The following AAK1 variants were observed in gnomAD, a reference collection of about 807,000 sequenced individuals.
AAK1 encodes the protein AP2 associated kinase 1.
In AAK1, 37 loss-of-function variants were observed where a neutral mutation model predicts 116.0. That is an observed-to-expected ratio of 0.32 (90% CI 0.25 to 0.42). The LOEUF is 0.42. Ranked by LOEUF, AAK1 falls within the 10% of genes least tolerant of loss-of-function variation. AAK1 has a pLI of 1.00. For missense variants in AAK1, 919 were observed against 1,170.6 expected (o/e 0.79, Z 3.14); for synonymous variants, 458 against 439.9 (o/e 1.04, Z -0.51).
At chr2:69,544,321 G>T in intron 4 of AAK1, 115 bp downstream of exon 4, 2 of 756,100 alleles carry the variant, frequency 2.6e-6, no homozygotes, top group South Asian at 3.5e-5. Flanking sequence ...TTTCTCATCT[G>T]TCAAACCAGA....
intron 17 of AAK1, among the ~76,000 whole-genome samples, chr2:69,493,222 A>T (rs1178882368): frequency 6.6e-6 from 1 of 151,170 alleles, no homozygotes; most frequent in East Asian, 2.0e-4. Flanking sequence ...TGAATGTGCT[A>T]GAGGCTGAAT....
intron 10 of AAK1, among the ~76,000 whole-genome samples, chr2:69,524,359 G>A (rs1045829858): frequency 3.9e-5 from 6 of 152,172 alleles, no homozygotes; most frequent in Non-Finnish European, 7.4e-5. Flanking sequence ...CCACAGGCAC[G>A]TGCTACCATG....
At position 69,544,559 on chromosome 2, in the gene AAK1, G is replaced by A. The variant is rs377552221; in HGVS notation, c.283-15C>T. On this transcript the variant is annotated splice_polypyrimidine_tract_variant and intron_variant, in intron 3 of 21. Transcript: ENST00000409085. ...GAAAGATCCCTCTGTGAACAAGAGAGGAGAAATATATTGTTAGTTTCAGAT... is the reference window on the plus strand; with the variant it reads ...GAAAGATCCCTCTGTGAACAAGAGAAGAGAAATATATTGTTAGTTTCAGAT... 6.3e-7 allele frequency: 1 copy of A among 1,576,554 alleles called. No homozygotes were observed. The highest frequency in any genetic ancestry group is 1.1e-5 in the South Asian group (1 of 90,230).
In AAK1 at chr2:69,461,515, A is replaced by G. The variant is rs910814672; in HGVS notation, c.*14354T>C. ...ATGCATCACCAAAAAAAAAAAAAAA[A>G]GTAATTTGCATGTGTTTGCATCCGT... On this transcript the variant is annotated 3_prime_UTR_variant, in exon 22 of 22. Transcript: ENST00000409085. 121 of 231,854 alleles carry G rather than the reference A, an allele frequency of 5.2e-4. No individual in the cohort carries two copies. Among genetic ancestry groups the G allele is most frequent in the Non-Finnish European group, 9.4e-4 (106 of 113,156 alleles). 14.4% of individuals were successfully genotyped at this position (231,854 alleles called of 1,614,324 possible).
intron 17 of AAK1, among the ~76,000 whole-genome samples, 199 bp from the exon 18 acceptor site, chr2:69,483,011 TGAA>T (rs1392221866): frequency 2.6e-5 from 4 of 152,204 alleles, no homozygotes; most frequent in Non-Finnish European, 5.9e-5. Flanking sequence ...CTTCCTCAAG[TGAA>T]GTAGTCACTT....
intron 2 of AAK1, among the ~76,000 whole-genome samples, chr2:69,579,558 G>C (rs1387473336): frequency 2.6e-5 from 4 of 152,146 alleles, no homozygotes; most frequent in Admixed American, 6.5e-5. Context: ...CTGCACTCCA[G>C]CCTCAATGAC....
At chr2:69,570,319 T>C (rs774123780) in intron 2 of AAK1, among the ~76,000 whole-genome samples, 69 of 151,764 alleles carry the variant, frequency 4.5e-4, no homozygotes, top group Admixed American at 9.9e-4. Flanking sequence ...GAGTTTACAA[T>C]TGTTAAAATA....
intron 17 of AAK1, among the ~76,000 whole-genome samples, chr2:69,488,301 C>A (rs187733949): frequency 6.6e-6 from 1 of 151,856 alleles, no homozygotes; most frequent in East Asian, 1.9e-4. Flanking sequence ...AACATGCACA[C>A]GTATCCCCTA....
At chr2:69,534,189 G>A (rs1670368876) in intron 5 of AAK1, among the ~76,000 whole-genome samples, 2 of 152,160 alleles carry the variant, frequency 1.3e-5, no homozygotes, top group Admixed American at 1.3e-4. Flanking sequence ...CTCACAGATG[G>A]AGAAAATGAG....
intron 17 of AAK1, among the ~76,000 whole-genome samples, chr2:69,495,515 A>G (rs934144389): frequency 4.6e-5 from 7 of 152,192 alleles, no homozygotes; most frequent in Non-Finnish European, 8.8e-5. Context: ...TTCCCTAATT[A>G]TCATTATGTG....
intron 2 of AAK1, among the ~76,000 whole-genome samples, chr2:69,571,777 G>T (rs1158533768): frequency 6.6e-6 from 1 of 152,170 alleles, no homozygotes; most frequent in Non-Finnish European, 1.5e-5. Flanking sequence ...ATTTGGGAAA[G>T]GACAGACACA....
At chr2:69,503,917 T>A (rs1250373117) in intron 16 of AAK1, among the ~76,000 whole-genome samples, 1 of 151,896 alleles carries the variant, frequency 6.6e-6, no homozygotes, top group Non-Finnish European at 1.5e-5. Flanking sequence ...GAGAATCGTT[T>A]GAACCTGGAA....
intron 16 of AAK1, among the ~76,000 whole-genome samples, chr2:69,496,367 G>C (rs1427924064): frequency 1.3e-5 from 2 of 150,190 alleles, no homozygotes; most frequent in African/African-American, 2.5e-5. Flanking sequence ...CCGCCTCCCG[G>C]TTCAAGCGAT....
At chr2:69,482,446 T>C (rs2104897578) in intron 18 of AAK1, 1 of 606,312 alleles carries the variant, frequency 1.6e-6, no homozygotes, top group South Asian at 2.1e-5. Context: ...TTCTTCTAAC[T>C]AAATGTGAAA....
At chr2:69,496,723 T>C (rs900323427) in intron 16 of AAK1, among the ~76,000 whole-genome samples, 1 of 152,190 alleles carries the variant, frequency 6.6e-6, no homozygotes, top group Non-Finnish European at 1.5e-5. Context: ...TTTTAGCACA[T>C]AAACAGATAT....
intron 2 of AAK1, chr2:69,598,544 G>A (rs548525532): frequency 6.6e-6 from 1 of 151,362 alleles, no homozygotes. Flanking sequence ...TTTGAAGACA[G>A]GTTCTCACTC....
At chr2:69,605,528 T>C (rs148494780) in intron 2 of AAK1, among the ~76,000 whole-genome samples, 185 of 152,288 alleles carry the variant, frequency 1.2e-3, no homozygotes, top group African/African-American at 4.3e-3. Flanking sequence ...CCCCCAATGG[T>C]GACATCTGAC....
intron 2 of AAK1, among the ~76,000 whole-genome samples, chr2:69,572,762 A>G (rs1004362071): frequency 6.6e-6 from 1 of 152,134 alleles, no homozygotes; most frequent in Admixed American, 6.6e-5. Context: ...ACAAGAGAGA[A>G]GTCTGCCCAG....
intron 19 of AAK1, among the ~76,000 whole-genome samples, chr2:69,480,628 C>A (rs986661594): frequency 4.6e-5 from 7 of 152,014 alleles, no homozygotes; most frequent in Non-Finnish European, 7.4e-5. Context: ...CCAGAGAAAG[C>A]CCAGAGATCA....
Sources: gnomAD v4.1 joint callset for allele counts (sites outside exome capture counted in the v4.1 genomes callset) on GRCh38, gnomAD v4.1.1 for gene constraint, MANE v1.5 for transcripts, NCBI Gene and HGNC (gene_info 2026-07-23, HGNC 2026-07-21) for gene names.